NLGN1: variants seen among roughly 807,000 people sequenced by gnomAD.
The protein encoded by NLGN1 is neuroligin-1.
In NLGN1, 12 loss-of-function variants were observed where a neutral mutation model predicts 65.5. The ratio of observed to expected loss-of-function variants is 0.18; its 90% confidence interval spans 0.12 to 0.30. The LOEUF (loss-of-function observed/expected upper bound fraction) is 0.30. NLGN1 is among the 10% of genes least tolerant of loss of function. The pLI, the probability that NLGN1 is intolerant of heterozygous loss-of-function variation, is 1.00. For synonymous variants in NLGN1, 350 were observed against 359.5 expected (o/e 0.97, Z 0.30); for missense variants, 750 against 1,007.1 (o/e 0.74, Z 3.46).
chr3:173,550,616 C>A (rs1012125353), intron 2 of NLGN1, among the ~76,000 whole-genome samples: 1 of 151,632 alleles, frequency 6.6e-6, no homozygotes, highest in Non-Finnish European at 1.5e-5. Context: ...ATAATGTTTA[C>A]AAACCACATT....
intron 4 of NLGN1, among the ~76,000 whole-genome samples, chr3:174,164,501 C>G (rs1292411788): frequency 1.3e-5 from 2 of 151,880 alleles, no homozygotes; most frequent in African/African-American, 4.8e-5. Context: ...GAGGTCTTAC[C>G]TTTAACTCTT....
intron 3 of NLGN1, among the ~76,000 whole-genome samples, chr3:173,710,393 A>G (rs1768767633): frequency 6.6e-6 from 1 of 152,164 alleles, no homozygotes; most frequent in Non-Finnish European, 1.5e-5. Context: ...GGATTTATGC[A>G]TTTCTTTATA....
chr3:173,560,223 C>G (rs562392725), intron 2 of NLGN1, among the ~76,000 whole-genome samples: 3 of 151,980 alleles, frequency 2.0e-5, no homozygotes, highest in Non-Finnish European at 4.4e-5. Context: ...CGTGAGCCAC[C>G]GCGCCCAGCC....
chr3:174,010,492 CA>C (rs1725310074), intron 4 of NLGN1, among the ~76,000 whole-genome samples: 1 of 152,094 alleles, frequency 6.6e-6, no homozygotes, highest in Non-Finnish European at 1.5e-5. Flanking sequence ...TAAATATTAT[CA>C]AAATCCTTCA....
rs373085163 is a variant in NLGN1, at chr3:173,651,090, C to T, written c.493+45999C>T. 7.2e-5 allele frequency among the ~76,000 whole-genome samples: 11 copies of T among 152,046 alleles called. No individual in the cohort carries two copies. The East Asian group carries it at 1.2e-3, about 16-fold the overall frequency. ...TCATCCCTCACCTGTCTCCCACCCTCCTACCCCTCCAAGTCTCCAGTATCC... is the reference window on the plus strand; with the variant it reads ...TCATCCCTCACCTGTCTCCCACCCTTCTACCCCTCCAAGTCTCCAGTATCC... On this transcript the variant is annotated intron_variant, in intron 3 of 6. Transcript: ENST00000457714.
intron 4 of NLGN1, among the ~76,000 whole-genome samples, chr3:173,813,095 A>G (rs1005653785): frequency 7.2e-5 from 11 of 151,996 alleles, no homozygotes; most frequent in African/African-American, 2.7e-4. Context: ...TGGATTAGTA[A>G]GGATATAGTA....
chr3:173,600,722 T>A (rs1222535301), intron 2 of NLGN1, among the ~76,000 whole-genome samples: 1 of 151,384 alleles, frequency 6.6e-6, no homozygotes, highest in East Asian at 1.9e-4. Context: ...ATTAGAGTAA[T>A]TTTTTTTAGA....
At chr3:173,499,278 G>T (rs1455746478) in intron 2 of NLGN1, among the ~76,000 whole-genome samples, 1 of 151,782 alleles carries the variant, frequency 6.6e-6, no homozygotes, top group Non-Finnish European at 1.5e-5. Context: ...CATATGGCTA[G>T]CCAGTTTTCC....
chr3:173,935,234 C>G (rs1299892074), intron 4 of NLGN1, among the ~76,000 whole-genome samples: 2 of 151,918 alleles, frequency 1.3e-5, no homozygotes, highest in Non-Finnish European at 2.9e-5. Context: ...TTGCCCACGT[C>G]AGTTAATTTA....
chr3:174,146,543 AT>A (rs1723306528), intron 4 of NLGN1, among the ~76,000 whole-genome samples: 1 of 151,970 alleles, frequency 6.6e-6, no homozygotes, highest in Non-Finnish European at 1.5e-5. Flanking sequence ...TTCAAATAAA[AT>A]TCTTTATAAA....
At chr3:173,420,242 A>G (rs1247668934) in intron 1 of NLGN1, among the ~76,000 whole-genome samples, 1 of 151,684 alleles carries the variant, frequency 6.6e-6, no homozygotes, top group African/African-American at 2.4e-5. Context: ...CCACCCCACA[A>G]CAGTCCCCGG....
chr3:174,152,463 AG>A (rs1327767086), intron 4 of NLGN1, among the ~76,000 whole-genome samples: 17 of 152,030 alleles, frequency 1.1e-4, no homozygotes, highest in Non-Finnish European at 1.5e-5. Context: ...ATTTGGACAC[AG>A]GCAGGGGAAC....
chr3:174,174,335 C>G (rs563267740), intron 4 of NLGN1, among the ~76,000 whole-genome samples: 2 of 152,136 alleles, frequency 1.3e-5, no homozygotes, highest in South Asian at 4.1e-4. Flanking sequence ...TGGGTAGATA[C>G]CCAGTAGTGG....
At chr3:174,010,869 G>A (rs1725395151) in intron 4 of NLGN1, among the ~76,000 whole-genome samples, 1 of 152,206 alleles carries the variant, frequency 6.6e-6, no homozygotes, top group Admixed American at 6.5e-5. Flanking sequence ...TTGATGATGG[G>A]ATGAGAAGGT....
At chr3:173,697,046 C>T (rs966850266) in intron 3 of NLGN1, among the ~76,000 whole-genome samples, 10 of 152,184 alleles carry the variant, frequency 6.6e-5, no homozygotes, top group African/African-American at 1.9e-4. Context: ...ATTAACAATG[C>T]TATCCTTCTC....
At chr3:173,951,753 G>A (rs982846107) in intron 4 of NLGN1, among the ~76,000 whole-genome samples, 2 of 152,006 alleles carry the variant, frequency 1.3e-5, no homozygotes, top group Admixed American at 6.5e-5. Flanking sequence ...GAGCCACTGC[G>A]CCAGGCCGAG....
chr3:173,545,114 G>A (rs946321698), intron 2 of NLGN1, among the ~76,000 whole-genome samples: 1 of 151,268 alleles, frequency 6.6e-6, no homozygotes, highest in African/African-American at 2.4e-5. Context: ...CACTCTTGTC[G>A]CCCAGGCTGG....
rs139389731 is a variant in NLGN1 at position 173,590,064 on chromosome 3, C to T, written c.-320-14215C>T. Among the ~76,000 whole-genome samples, 192 of 152,012 alleles carry T rather than the reference C, an allele frequency of 1.3e-3. 1 individual carries two copies. The highest frequency in any genetic ancestry group is 6.8e-3 in the Middle Eastern group (2 of 294). ...ACCACCACTTCTATGACAGAACTGA[C>T]CAGAAAAAGTGATTACAGCATAGAA... On this transcript the variant is annotated intron_variant, in intron 2 of 6. Coordinates refer to ENST00000457714, the Ensembl canonical transcript of NLGN1.
rs1553897255 is a variant in NLGN1 at position 173,944,124 on chromosome 3, G to GGTGTGTGTGTGTGTGT, written c.646+136315_646+136330dup. Reference sequence around the variant, plus strand: ...TTTTAAATGTCCAGTTAATATTATGGGTGTGTGTGTGTGTGTGTGTGTGTG... The same window carrying GGTGTGTGTGTGTGTGT: ...TTTTAAATGTCCAGTTAATATTATGGGTGTGTGTGTGTGTGTGTGTGTGTGTGTGTGTGTGTGTGTG... On this transcript the variant is annotated intron_variant, in intron 4 of 6. Coordinates refer to ENST00000457714, the Ensembl canonical transcript of NLGN1. Among the ~76,000 whole-genome samples the GGTGTGTGTGTGTGTGT allele has an allele frequency of 1.2e-4, 17 of 139,596 alleles. No homozygotes were observed. The South Asian group carries it at 1.4e-3, about 11-fold the overall frequency. The allele number at this position is 139,596 out of a possible 152,430, so 91.6% of individuals were successfully genotyped here. A position where few individuals can be genotyped will look rare whatever the true frequency, so the allele number is the denominator to read the frequency against.
Sources: allele counts gnomAD v4.1 joint callset (sites outside exome capture counted in the v4.1 genomes callset), GRCh38; gene constraint gnomAD v4.1.1; transcripts MANE v1.5; gene names NCBI Gene and HGNC (gene_info 2026-07-23, HGNC 2026-07-21).